The following NXN variants were observed in gnomAD, a reference collection of about 807,000 sequenced individuals.
The protein encoded by NXN is nucleoredoxin, also known as nucleoredoxin 1.
NXN carries 16 observed loss-of-function variants against 48.6 expected under a neutral mutation model. That is an observed-to-expected ratio of 0.33 (90% confidence interval 0.22 to 0.50). NXN has a LOEUF of 0.50. NXN is among the 20% of genes least tolerant of loss of function. The probability of loss-of-function intolerance (pLI) is 0.98; values close to 1 mark genes in which losing one functional copy is unlikely to be tolerated. For missense variants in NXN, 492 were observed against 605.5 expected (o/e 0.81, Z 1.97); for synonymous variants, 281 against 269.6 (o/e 1.04, Z -0.41).
Position 894,062 on chromosome 17 carries a change from C to A in NXN, c.361-67984G>T, listed in dbSNP as rs1457433632. Among the ~76,000 whole-genome samples, 4 of 105,216 alleles carry A rather than the reference C, an allele frequency of 3.8e-5. No homozygotes were observed. The East Asian group carries it at 9.7e-4, about 25-fold the overall frequency. 69.0% of individuals were successfully genotyped at this position (105,216 alleles called of 152,430 possible). A position where few individuals can be genotyped will look rare whatever the true frequency, so the allele number is the denominator to read the frequency against. On this transcript the variant is annotated intron_variant, in intron 1 of 7. Transcript: ENST00000336868. ...AGGAAGCATCTCAACTCCCTGGAAGCCAGAGGAAGCATCTCAACTCCCTGG... is the reference window on the plus strand; with the variant it reads ...AGGAAGCATCTCAACTCCCTGGAAGACAGAGGAAGCATCTCAACTCCCTGG...
chr17:894,964 TTCTC>T (rs925305890), intron 1 of NXN, among the ~76,000 whole-genome samples: 9 of 148,058 alleles, frequency 6.1e-5, no homozygotes, highest in Admixed American at 1.3e-4. Flanking sequence ...CTGATTGCCT[TTCTC>T]TCTCATCCTT....
At position 906,714 on chromosome 17, in the gene NXN, C is replaced by G. The variant is rs530842173; in HGVS notation, c.360+72605G>C. On this transcript the variant is annotated intron_variant, in intron 1 of 7. Transcript: ENST00000336868. ...CCCGAGTAGCTGGGACTACAGGCAC[C>G]CACCACCACACCCGGACAACTTTTT... Among the ~76,000 whole-genome samples the G allele has an allele frequency of 1.6e-3, 235 of 151,600 alleles. 1 individual carries two copies. The highest frequency in any genetic ancestry group is 5.4e-3 in the African/African-American group (223 of 41,338).
At chr17:815,498 T>C (rs36070384) in intron 5 of NXN, among the ~76,000 whole-genome samples, 27 of 122,666 alleles carry the variant, frequency 2.2e-4, no homozygotes, top group African/African-American at 5.2e-4. Context: ...TCCATCCGTA[T>C]GATGAGGGCG....
At chr17:839,146 A>G (rs12950487) in intron 1 of NXN, among the ~76,000 whole-genome samples, 7,128 of 152,074 alleles carry the variant, frequency 0.047, 288 homozygotes, top group East Asian at 0.24. Flanking sequence ...GTTCATAGTG[A>G]GCGTCAGGCC....
At chr17:835,120 A>AAC (rs1342706017) in intron 1 of NXN, among the ~76,000 whole-genome samples, 3 of 151,344 alleles carry the variant, frequency 2.0e-5, no homozygotes, top group Non-Finnish European at 4.4e-5. Flanking sequence ...CATCCTGGCT[A>AAC]ACATGGTGAA....
At chr17:959,215 A>G in intron 1 of NXN, 1 of 1,039,052 alleles carries the variant, frequency 9.6e-7, no homozygotes, top group Non-Finnish European at 1.3e-6. Context: ...GTGTGTCAGC[A>G]GACAGGCCTG....
intron 5 of NXN, among the ~76,000 whole-genome samples, chr17:818,756 G>C (rs1300865272): frequency 3.3e-5 from 5 of 151,974 alleles, no homozygotes; most frequent in Non-Finnish European, 7.4e-5. Flanking sequence ...CGTGTGGTGG[G>C]CGCCTGTAGT....
intron 1 of NXN, among the ~76,000 whole-genome samples, chr17:906,525 G>A (rs1238596981): frequency 6.6e-6 from 1 of 151,240 alleles, no homozygotes; most frequent in East Asian, 1.9e-4. Context: ...CGAGGCTCAT[G>A]TATTATAATG....
chr17:868,220 G>C (rs115194315), intron 1 of NXN, among the ~76,000 whole-genome samples: 1 of 151,936 alleles, frequency 6.6e-6, no homozygotes. Context: ...CCCTCTATCC[G>C]ATCCACCCTT....
At position 803,691 on chromosome 17, in the gene NXN, T is replaced by C; in HGVS notation, c.1116A>G (p.Val372=). 6.2e-7 allele frequency: 1 copy of C among 1,614,176 alleles called. No individual in the cohort carries two copies. The highest frequency in any genetic ancestry group is 8.5e-7 in the Non-Finnish European group (1 of 1,180,028). The change falls in exon 7 of 8, where the codon GTA becomes GTG. Residue 372 remains valine (V), a synonymous_variant. Coordinates refer to ENST00000336868, the MANE Select transcript of NXN (RefSeq NM_022463.5). ...TCTCCTCCGCACTCACCTCCCCGGC[T>C]ACGAAGAACAGAAGGGGTGCCTCCT... ...KEEEAPLLFF[V]AGEDDMTDSL... is the part of the protein sequence containing the mutation.
At chr17:935,308 A>G (rs865966422) in intron 1 of NXN, among the ~76,000 whole-genome samples, 1 of 151,970 alleles carries the variant, frequency 6.6e-6, no homozygotes, top group Non-Finnish European at 1.5e-5. Flanking sequence ...TGTGCTCTTT[A>G]AACAGCCGCA....
intron 1 of NXN, among the ~76,000 whole-genome samples, chr17:828,263 C>T (rs761914554): frequency 2.6e-5 from 4 of 151,722 alleles, no homozygotes; most frequent in African/African-American, 7.3e-5. Context: ...CCTACCACAC[C>T]CGGCTAGTTT....
intron 1 of NXN, among the ~76,000 whole-genome samples, chr17:936,055 G>A (rs1643953734): frequency 7.3e-6 from 1 of 136,606 alleles, no homozygotes; most frequent in Admixed American, 8.5e-5. Flanking sequence ...TCGTGCCACT[G>A]CACTCCAGCC....
chr17:805,018 T>A, intron 6 of NXN, 50 bp downstream of exon 6: 25 of 1,517,882 alleles, frequency 1.6e-5, no homozygotes, highest in Non-Finnish European at 2.1e-5. Context: ...AGGCCCCTCC[T>A]GTCCCGCCCC....
chr17:959,186 G>T, intron 1 of NXN: 1 of 995,194 alleles, frequency 1.0e-6, no homozygotes, highest in Non-Finnish European at 1.4e-6. Flanking sequence ...TCCCCGCCAC[G>T]TACCAGTTCA....
rs919890535 is a variant in NXN, at chr17:974,616, G to A, written c.360+4703C>T. ...AACGTGTGGTACAGAGATGTACAGC[G>A]CCTTGCACAAGGACACACAGCTAAT... On this transcript the variant is annotated intron_variant, in intron 1 of 7. Coordinates refer to ENST00000336868, the MANE Select transcript of NXN (RefSeq NM_022463.5). 5.3e-5 allele frequency among the ~76,000 whole-genome samples: 8 copies of A among 151,804 alleles called. No individual in the cohort carries two copies. The East Asian group carries it at 1.2e-3, about 22-fold the overall frequency.
At position 979,202 on chromosome 17, in the gene NXN, G is replaced by C; in HGVS notation, c.360+117C>G. On this transcript the variant is annotated intron_variant, in intron 1 of 7. Coordinates refer to ENST00000336868, the MANE Select transcript of NXN (RefSeq NM_022463.5). ...GACTGGGGGCAGGGGTCGGGGGGTG[G>C]AGGGCGGGCAGGGGGACAACGGGGT... 1.6e-5 allele frequency: 6 copies of C among 372,732 alleles called. No individual in the cohort carries two copies. In the South Asian group the frequency reaches 1.9e-4, roughly 12 times the overall value. 23.1% of individuals were successfully genotyped at this position (372,732 alleles called of 1,614,324 possible).
intron 1 of NXN, among the ~76,000 whole-genome samples, chr17:835,283 GGA>G (rs1913747239): frequency 6.7e-6 from 1 of 150,314 alleles, no homozygotes; most frequent in Non-Finnish European, 1.5e-5. Context: ...ACTCCAGCCT[GGA>G]AGACAGACCG....
chr17:926,551 T>TC (rs2068801951), intron 1 of NXN, among the ~76,000 whole-genome samples: 1 of 135,188 alleles, frequency 7.4e-6, no homozygotes, highest in Non-Finnish European at 1.6e-5. Context: ...TTTTGTTTTT[T>TC]TGTTTTTTTT....
Sources: gnomAD v4.1 joint callset for allele counts (sites outside exome capture counted in the v4.1 genomes callset) on GRCh38, gnomAD v4.1.1 for gene constraint, MANE v1.5 for transcripts, NCBI Gene and HGNC (gene_info 2026-07-23, HGNC 2026-07-21) for gene names.